HOOK2: variants seen among roughly 807,000 people sequenced by gnomAD.
HOOK2 encodes protein Hook homolog 2.
HOOK2 carries 108 observed loss-of-function variants against 111.9 expected under a neutral mutation model. The observed-to-expected ratio is 0.96, with a 90% CI of 0.83 to 1.13. The LOEUF (loss-of-function observed/expected upper bound fraction) is 1.13, where lower values mean the gene tolerates loss of function less well. HOOK2 is among the 50% of genes most tolerant of loss of function. HOOK2 has a pLI of 0.00. For missense variants in HOOK2, 978 were observed against 951.3 expected (o/e 1.03, Z -0.37); for synonymous variants, 405 against 394.3 (o/e 1.03, Z -0.32).
At position 12,767,428 on chromosome 19, in the gene HOOK2, T is replaced by G; in HGVS notation, c.1340A>C (p.Asn447Thr). 5 of 1,614,076 alleles carry G rather than the reference T, an allele frequency of 3.1e-6. No homozygotes were observed. The highest frequency in any genetic ancestry group is 4.2e-6 in the Non-Finnish European group (5 of 1,179,986). The change falls in exon 14 of 23, where the codon AAC (asparagine) becomes ACC (threonine). Residue 447 changes from asparagine to threonine, a missense_variant. This residue lies in a region of HOOK2 where 388 missense variants were observed against 358.3 expected (regional missense o/e 1.08). Transcript: ENST00000397668. ...SLDPTSTPVDNLAAEILPAEL... is the reference protein window; with the variant it reads ...SLDPTSTPVDTLAAEILPAEL... ...CGCAGGCAGGATCTCTGCGGCTAAG[T>G]TATCCACGGGTGTGGAGGTGGGATC...
In HOOK2 at chr19:12,790,392, G is replaced by A. The variant is rs1968700055; in HGVS notation, n.42-16167C>T. On this transcript the variant is annotated intron_variant and non_coding_transcript_variant, in intron 3 of 3. Coordinates refer to the HOOK2 transcript ENST00000589765. This position sits in a 1 kb window ranked among gnomAD's most constrained non-coding sequence, Gnocchi z 7.2. ...TCTAAGGAAGGGAGTGGGGTTGGGC[G>A]ACCGCGCCCCAGCCGTCGGGCTGGG... is the stretch of plus-strand genomic sequence containing the variant. 1.3e-5 allele frequency among the ~76,000 whole-genome samples: 2 copies of A among 152,208 alleles called. No homozygotes were observed. Among genetic ancestry groups the A allele is most frequent in the Non-Finnish European group, 2.9e-5 (2 of 68,026 alleles).
upstream of HOOK2, chr19:12,775,716 G>T: frequency 2.8e-6 from 1 of 353,108 alleles, no homozygotes; most frequent in Non-Finnish European, 5.0e-6. Context: ...CTAGGGGTCA[G>T]CCTGGCCCAG....
At chr19:12,788,488 T>G (rs969135026) in intron 3 of HOOK2, among the ~76,000 whole-genome samples, 1 of 152,140 alleles carries the variant, frequency 6.6e-6, no homozygotes, top group Non-Finnish European at 1.5e-5. Context: ...TTGAACCCAT[T>G]TGTCTCTCTG....
chr19:12,771,085 G>C lies in HOOK2; in HGVS notation c.762-13C>G, dbSNP rs199741000. The C allele has an allele frequency of 6.4e-5, 103 of 1,612,038 alleles. No homozygotes were observed. In the Middle Eastern group the frequency reaches 1.0e-3, roughly 16 times the overall value. On this transcript the variant is annotated splice_polypyrimidine_tract_variant and intron_variant, in intron 9 of 22. Coordinates refer to ENST00000397668, the MANE Select transcript of HOOK2 (RefSeq NM_013312.3). ...GCCACTCTCCAGCCTGGGGGTGTTG[G>C]GGGAAGAGCACATGAGGGGGCTGCC...
At chr19:12,766,079 G>A (rs547981127) in intron 15 of HOOK2, 24 bp downstream of exon 15, 1 of 1,603,338 alleles carries the variant, frequency 6.2e-7, no homozygotes, top group South Asian at 1.1e-5. Flanking sequence ...CCTGCTCCGC[G>A]CAGGTAGGTC....
intron 3 of HOOK2, chr19:12,784,476 T>C (rs1045005792): frequency 6.6e-6 from 1 of 152,430 alleles, no homozygotes; most frequent in Non-Finnish European, 1.5e-5. Context: ...AGGCAGGCCG[T>C]GTGCGGCGGG....
At position 12,771,040 on chromosome 19, in the gene HOOK2, C is replaced by T. The variant is rs777425612; in HGVS notation, c.794G>A (p.Arg265His). 4.3e-6 allele frequency: 7 copies of T among 1,612,372 alleles called. No homozygotes were observed. The Admixed American group carries it at 8.4e-5, about 19-fold the overall frequency. The change falls in exon 10 of 23, where the codon CGC (arginine) becomes CAC (histidine). Residue 265 changes from arginine (R) to histidine (H), a missense_variant. By Grantham distance (29) the Arg-to-His change is conservative (BLOSUM62 0). This residue lies in a region of HOOK2 where 388 missense variants were observed against 358.3 expected (regional missense o/e 1.08). Transcript: ENST00000397668. ...AACCTCCCTCTCCAGCTCGGCACAG[C>T]GCAGGCGCTCATCCTCCCTGCCACT... is the stretch of plus-strand genomic sequence containing the variant. ...LESGREDERL[R>H]CAELEREVAE...
chr19:12,789,763 C>T (rs922564146), intron 3 of HOOK2, among the ~76,000 whole-genome samples: 1 of 151,416 alleles, frequency 6.6e-6, no homozygotes, highest in Non-Finnish European at 1.5e-5. Flanking sequence ...CAGGACGCAG[C>T]CCCAAAGCGG....
Position 12,769,979 on chromosome 19 carries a change from C to A in HOOK2, c.1006G>T (p.Glu336Ter), listed in dbSNP as rs745743532. The A allele has an allele frequency of 6.5e-7, 1 of 1,550,030 alleles. No homozygotes were observed. Among genetic ancestry groups the A allele is most frequent in the South Asian group, 1.2e-5 (1 of 84,382 alleles). ...ELRRQVRQLE[E>*]RNAGHAERTR... is the part of the protein sequence containing the mutation. ...CGCTCGGCGTGGCCGGCGTTGCGTT[C>A]CTCCAGCTGCCGCACCTGCCGCCGC... The change falls in exon 11 of 23, where the codon GAA (glutamate) becomes TAA (stop). Residue 336 changes from glutamate (E) to a stop codon, truncating the protein, a stop_gained. Coordinates refer to ENST00000397668, the MANE Select transcript of HOOK2 (RefSeq NM_013312.3). LOFTEE classifies it high-confidence loss of function.
upstream of HOOK2, among the ~76,000 whole-genome samples, chr19:12,782,565 C>CG (rs1261288108): frequency 6.6e-6 from 1 of 152,292 alleles, no homozygotes; most frequent in South Asian, 2.1e-4. Flanking sequence ...TGAGACACGA[C>CG]GGGGGTCGCT....
Position 12,771,043 on chromosome 19 carries a change from A to G in HOOK2, c.791T>C (p.Leu264Pro). Residue 264 changes from leucine (L) to proline (P), a missense_variant, in exon 10 of 23, where the codon CTG becomes CCG. Transcript: ENST00000397668. Reference protein sequence around the residue: ...RLESGREDERLRCAELEREVA... With the variant: ...RLESGREDERPRCAELEREVA... ...CTCCCTCTCCAGCTCGGCACAGCGC[A>G]GGCGCTCATCCTCCCTGCCACTCTC... 6.2e-7 allele frequency: 1 copy of G among 1,612,172 alleles called. No individual in the cohort carries two copies. The highest frequency in any genetic ancestry group is 8.5e-7 in the Non-Finnish European group (1 of 1,179,026).
At chr19:12,779,644 C>T (rs1301039983), upstream of HOOK2, among the ~76,000 whole-genome samples, 4 of 152,168 alleles carry the variant, frequency 2.6e-5, no homozygotes, top group Non-Finnish European at 5.9e-5. Flanking sequence ...GCGTGAGCCA[C>T]GGCGCCTGGC....
Position 12,765,990 on chromosome 19 carries a change from C to T in HOOK2, c.1536G>A (p.Glu512=), listed in dbSNP as rs751938068. 3 of 1,613,840 alleles carry T rather than the reference C, an allele frequency of 1.9e-6. No homozygotes were observed. Among genetic ancestry groups the T allele is most frequent in the East Asian group, 4.5e-5 (2 of 44,892 alleles). ...QHRLNQQQLS[E]LRAQVEDLQK... is the part of the protein sequence containing the mutation. ...GCAGGTCCTCCACCTGGGCCCGCAG[C>T]TCGGATAGCTGCTGCTGGTTCAGCC... Residue 512 remains glutamate, a synonymous_variant, in exon 16 of 23, where the codon GAG becomes GAA. Transcript: ENST00000397668.
At position 12,767,888 on chromosome 19, in the gene HOOK2, G is replaced by A. The variant is rs751125633; in HGVS notation, c.1231C>T (p.Arg411Trp). Residue 411 changes from arginine to tryptophan, a missense_variant, in exon 13 of 23, where the codon CGG becomes TGG. Arg to Trp is a moderately radical substitution (Grantham distance 101). Around this residue, in one of 5 missense-constraint regions of HOOK2, gnomAD observed 388 missense variants for 358.3 expected, o/e 1.08. Transcript: ENST00000397668. ...TCATTGGCCTCCCGCAAGGAGTCCCGCTCCGCCAACAGCCGCTGCAGGGAC... is the reference window on the plus strand; with the variant it reads ...TCATTGGCCTCCCGCAAGGAGTCCCACTCCGCCAACAGCCGCTGCAGGGAC... ...TKEKERLLAE[R>W]DSLREANEEL... 26 of 1,609,492 alleles carry A rather than the reference G, an allele frequency of 1.6e-5. No individual in the cohort carries two copies. The highest frequency in any genetic ancestry group is 3.3e-5 in the Admixed American group (2 of 59,972).
At chr19:12,774,604 C>G in intron 3 of HOOK2, 65 bp downstream of exon 3, 4 of 1,483,556 alleles carry the variant, frequency 2.7e-6, no homozygotes, top group Non-Finnish European at 3.8e-6. Context: ...GGACATGTGC[C>G]TAGCTGGCCC....
intron 11 of HOOK2, among the ~76,000 whole-genome samples, chr19:12,769,208 A>G (rs1022738744): frequency 4.0e-5 from 6 of 149,742 alleles, no homozygotes; most frequent in African/African-American, 1.5e-4. Flanking sequence ...CTCGGGATCC[A>G]CCCGCCTCGG....
upstream of HOOK2, chr19:12,775,715 A>G (rs1321691470): frequency 5.7e-6 from 2 of 352,656 alleles, no homozygotes; most frequent in East Asian, 4.8e-5. Context: ...GCTAGGGGTC[A>G]GCCTGGCCCA....
chr19:12,779,003 C>A (rs940184753), upstream of HOOK2, among the ~76,000 whole-genome samples: 2 of 152,162 alleles, frequency 1.3e-5, no homozygotes, highest in African/African-American at 2.4e-5. Flanking sequence ...GCTGAAAAAC[C>A]CTCCACATTT....
chr19:12,777,822 G>A (rs1008396524), upstream of HOOK2, among the ~76,000 whole-genome samples: 7 of 152,362 alleles, frequency 4.6e-5, no homozygotes, highest in African/African-American at 1.7e-4. Flanking sequence ...GTGGAGCGGG[G>A]GTCAATGGAA....
Sources: gnomAD v4.1 joint callset for allele counts (sites outside exome capture counted in the v4.1 genomes callset) on GRCh38, gnomAD v4.1.1 for gene constraint, gnomAD v4.1.1 regional missense constraint, Gnocchi (gnomAD v3.1) non-coding constraint, MANE v1.5 for transcripts, NCBI Gene and HGNC (gene_info 2026-07-23, HGNC 2026-07-21) for gene names.